AGBL1: variants seen among roughly 807,000 people sequenced by gnomAD.
The protein encoded by AGBL1 is cytosolic carboxypeptidase 4.
AGBL1 carries 130 observed loss-of-function variants against 118.9 expected under a neutral mutation model. The observed-to-expected ratio is 1.09, with a 90% CI of 0.95 to 1.26. The LOEUF is 1.26. Among genes scored for constraint, AGBL1 ranks in the 50% most tolerant of loss-of-function variants. AGBL1 has a pLI of 0.00. For synonymous variants in AGBL1, 555 were observed against 478.9 expected, an observed-to-expected ratio of 1.16 and a Z score of -2.08; for missense variants, 1,584 against 1,298.1, an observed-to-expected ratio of 1.22 and a Z score of -3.38.
chr15:86,593,180 C>T (rs1419904432), intron 21 of AGBL1, among the ~76,000 whole-genome samples: 1 of 152,174 alleles, frequency 6.6e-6, no homozygotes, highest in Non-Finnish European at 1.5e-5. Flanking sequence ...TTCCTTTTGA[C>T]ATGTCCTTAT....
At chr15:86,673,553 G>T (rs2085783033) in intron 21 of AGBL1, among the ~76,000 whole-genome samples, 1 of 152,158 alleles carries the variant, frequency 6.6e-6, no homozygotes, top group Admixed American at 6.5e-5. Flanking sequence ...CTCCTTATCT[G>T]TAGAATGGAG....
intron 22 of AGBL1, among the ~76,000 whole-genome samples, chr15:86,854,517 A>G (rs1009496083): frequency 6.6e-6 from 1 of 152,160 alleles, no homozygotes; most frequent in African/African-American, 2.4e-5. Context: ...TATGATGTTC[A>G]TCTATGTCCC....
intron 22 of AGBL1, among the ~76,000 whole-genome samples, chr15:86,675,903 C>A (rs1272739191): frequency 1.3e-5 from 2 of 152,130 alleles, no homozygotes; most frequent in African/African-American, 4.8e-5. Context: ...TAGTTGCCTG[C>A]AAACTGGAAC....
chr15:86,298,086 G>A (rs2079675185), intron 17 of AGBL1, among the ~76,000 whole-genome samples: 2 of 151,486 alleles, frequency 1.3e-5, no homozygotes, highest in Admixed American at 1.3e-4. Context: ...AGATACTGTG[G>A]CAGGAAGGGA....
At chr15:86,675,705 A>T (rs2085831417) in intron 22 of AGBL1, among the ~76,000 whole-genome samples, 1 of 151,980 alleles carries the variant, frequency 6.6e-6, no homozygotes, top group Non-Finnish European at 1.5e-5. Flanking sequence ...TATATATTTC[A>T]ACTTGTCTTT....
At chr15:86,307,957 C>G (rs559099268) in intron 17 of AGBL1, among the ~76,000 whole-genome samples, 1 of 152,246 alleles carries the variant, frequency 6.6e-6, no homozygotes, top group South Asian at 2.1e-4. Flanking sequence ...TAACTACCAT[C>G]CTGAATTCTG....
chr15:86,100,815 T>C (rs1178377344), intron 1 of AGBL1, among the ~76,000 whole-genome samples: 10 of 152,108 alleles, frequency 6.6e-5, no homozygotes, highest in Admixed American at 5.9e-4. Flanking sequence ...TTTCAAAAAA[T>C]GAAATTTTCA....
chr15:86,365,016 C>CACACACACAT (rs1183004112), intron 17 of AGBL1, among the ~76,000 whole-genome samples: 113 of 121,950 alleles, frequency 9.3e-4, no homozygotes, highest in African/African-American at 3.3e-3. Flanking sequence ...TATACACACA[C>CACACACACAT]ATATATATAT....
chr15:86,717,829 C>T (rs1018481796), intron 22 of AGBL1, among the ~76,000 whole-genome samples: 1 of 152,176 alleles, frequency 6.6e-6, no homozygotes, highest in African/African-American at 2.4e-5. Flanking sequence ...CCTGTAATCT[C>T]AGCATTTTGG....
intron 7 of AGBL1, among the ~76,000 whole-genome samples, chr15:86,248,328 A>G (rs1028836515): frequency 2.0e-5 from 3 of 152,214 alleles, no homozygotes; most frequent in Admixed American, 2.0e-4. Flanking sequence ...AAACAACAGC[A>G]ACGGCAACAA....
At chr15:86,814,422 G>A (rs564314355) in intron 22 of AGBL1, among the ~76,000 whole-genome samples, 113 of 152,236 alleles carry the variant, frequency 7.4e-4, no homozygotes, top group African/African-American at 2.6e-3. Flanking sequence ...GTAGGAATTC[G>A]GTGGCCAGGC....
chr15:86,926,057 T>C (rs1368963375), intron 23 of AGBL1, among the ~76,000 whole-genome samples: 1 of 152,100 alleles, frequency 6.6e-6, no homozygotes, highest in African/African-American at 2.4e-5. Context: ...CACTAACCTA[T>C]AGGAGAAGGA....
intron 23 of AGBL1, among the ~76,000 whole-genome samples, chr15:86,979,999 C>A (rs979543875): frequency 6.6e-6 from 1 of 152,182 alleles, no homozygotes. Flanking sequence ...CCCTTCCTCT[C>A]CCCTAATGCC....
intron 21 of AGBL1, among the ~76,000 whole-genome samples, chr15:86,655,356 A>G (rs551677099): frequency 4.7e-4 from 72 of 152,344 alleles, no homozygotes; most frequent in African/African-American, 1.6e-3. Flanking sequence ...TCCGGCTTCT[A>G]TTTAACTACC....
intron 5 of AGBL1, among the ~76,000 whole-genome samples, chr15:86,219,763 A>G (rs1159929654): frequency 1.3e-5 from 2 of 152,068 alleles, no homozygotes; most frequent in African/African-American, 4.8e-5. Flanking sequence ...TGATGTATGA[A>G]TCCTCTGACC....
intron 17 of AGBL1, among the ~76,000 whole-genome samples, chr15:86,341,763 T>G (rs765615963): frequency 6.6e-6 from 1 of 152,264 alleles, no homozygotes; most frequent in Non-Finnish European, 1.5e-5. Flanking sequence ...CGAACCTTGA[T>G]GAGATTTTGG....
At chr15:86,311,023 C>A (rs553848398) in intron 17 of AGBL1, among the ~76,000 whole-genome samples, 2 of 152,162 alleles carry the variant, frequency 1.3e-5, no homozygotes, top group Non-Finnish European at 2.9e-5. Context: ...GCGCTTCACT[C>A]CTGGTTCCCT....
chr15:86,696,484 A>G (rs1274942874), intron 22 of AGBL1, among the ~76,000 whole-genome samples: 1 of 151,380 alleles, frequency 6.6e-6, no homozygotes, highest in Non-Finnish European at 1.5e-5. Context: ...TTATGTGTCA[A>G]GTGAGTCTCT....
rs1567233729 is a variant in AGBL1 at position 86,907,368 on chromosome 15, C to G, written c.*74C>G. 1 of 152,210 alleles carries G rather than the reference C, an allele frequency of 6.6e-6. No individual in the cohort carries two copies. The highest frequency in any genetic ancestry group is 1.5e-5 in the Non-Finnish European group (1 of 68,050). The allele number at this position is 152,210 out of a possible 1,614,324, so 9.4% of individuals were successfully genotyped here. On this transcript the variant is annotated 3_prime_UTR_variant, in exon 23 of 23. Transcript: ENST00000614907. The stretch of plus-strand genomic sequence containing the variant: ...AGCAGCTGTGTTGCTGCTTCTTCAT[C>G]ATCAGACACACACAATGTATATGTC...
Sources: allele counts gnomAD v4.1 joint callset (sites outside exome capture counted in the v4.1 genomes callset), GRCh38; gene constraint gnomAD v4.1.1; transcripts MANE v1.5; gene names NCBI Gene and HGNC (gene_info 2026-07-23, HGNC 2026-07-21).